TLL2: variants seen among roughly 807,000 people sequenced by gnomAD.
TLL2 encodes the protein tolloid-like protein 2.
TLL2 carries 106 observed loss-of-function variants against 123.0 expected under a neutral mutation model. The ratio of observed to expected loss-of-function variants is 0.86; its 90% CI spans 0.74 to 1.01. The LOEUF is 1.01. TLL2 is among the 50% of genes least tolerant of loss of function. The pLI is 0.00. For missense variants in TLL2, 1,332 were observed against 1,336.7 expected (o/e 1.00, Z 0.06); for synonymous variants, 494 against 516.8 (o/e 0.96, Z 0.60).
chr10:96,459,691 AAAAAAAAAAAAAAAATATATAT>A lies in TLL2; in HGVS notation c.287-13545_287-13524del, dbSNP rs1264654988. ...TTTCAAAAAAAAAAAAAAAAAAAAA[AAAAAAAAAAAAAAAATATATAT>A]ATATATATATATATATATAGCAGCT... On this transcript the variant is annotated intron_variant, in intron 2 of 20. Transcript: ENST00000357947. Among the ~76,000 whole-genome samples the A allele has an allele frequency of 8.5e-4, 48 of 56,656 alleles. 2 individuals are homozygous for A. In the South Asian group the frequency reaches 0.02, roughly 23 times the overall value. The allele number at this position is 56,656 out of a possible 152,430, so 37.2% of individuals were successfully genotyped here.
At chr10:96,390,057 C>A (rs1846271588) in intron 13 of TLL2, among the ~76,000 whole-genome samples, 1 of 152,246 alleles carries the variant, frequency 6.6e-6, no homozygotes, top group South Asian at 2.1e-4. Flanking sequence ...GGCCAAGCCT[C>A]CCAGAAAAAT....
intron 7 of TLL2, among the ~76,000 whole-genome samples, chr10:96,415,716 GCTCT>G (rs1172742136): frequency 1.9e-4 from 1 of 5,170 alleles, no homozygotes; most frequent in South Asian, 5.9e-3. Flanking sequence ...AGCTGTGCAT[GCTCT>G]CTCTCTCTGT....
At chr10:96,375,605 G>A (rs901985290) in intron 18 of TLL2, among the ~76,000 whole-genome samples, 2 of 152,192 alleles carry the variant, frequency 1.3e-5, no homozygotes, top group Non-Finnish European at 2.9e-5. Context: ...TCTTAGCAGA[G>A]CAGCAGTTTC....
chr10:96,405,274 C>G lies in TLL2; in HGVS notation c.1225G>C (p.Val409Leu). The change falls in exon 10 of 21, where the codon GTG (valine) becomes CTG (leucine). Residue 409 changes from valine (V) to leucine (L), a missense_variant. Transcript: ENST00000357947. ...CTCCAGTAACCATCCCGGACCTCCA[C>G]GTAATCATACCAGCACAGTCGGCTT... ...FKSRLCWYDY[V>L]EVRDGYWRKA... 6.2e-7 allele frequency: 1 copy of G among 1,614,164 alleles called. No individual in the cohort carries two copies. The highest frequency in any genetic ancestry group is 1.1e-5 in the South Asian group (1 of 91,078).
chr10:96,440,595 T>C (rs1846842158), intron 3 of TLL2, among the ~76,000 whole-genome samples: 1 of 152,238 alleles, frequency 6.6e-6, no homozygotes, highest in Non-Finnish European at 1.5e-5. Flanking sequence ...TACTTCTCTA[T>C]TCAAAGAAAT....
chr10:96,396,737 A>G (rs1391214589), intron 11 of TLL2, among the ~76,000 whole-genome samples: 1 of 152,140 alleles, frequency 6.6e-6, no homozygotes, highest in Non-Finnish European at 1.5e-5. Context: ...GGGTAGCCTC[A>G]GAGGCCCTTC....
intron 20 of TLL2, among the ~76,000 whole-genome samples, chr10:96,369,760 GAA>G (rs112144254): frequency 1.9e-5 from 2 of 105,810 alleles, no homozygotes; most frequent in Admixed American, 9.4e-5. Flanking sequence ...GGAAAAAAAA[GAA>G]AAAAAAAAAA....
intron 2 of TLL2, among the ~76,000 whole-genome samples, chr10:96,467,651 G>C (rs1564913058): frequency 6.6e-6 from 1 of 152,134 alleles, no homozygotes; most frequent in Non-Finnish European, 1.5e-5. Context: ...GGCTACATAA[G>C]TAAAAAGCCT....
intron 10 of TLL2, 147 bp from the exon 11 acceptor site, chr10:96,397,449 G>A: frequency 1.8e-6 from 1 of 545,958 alleles, no homozygotes; most frequent in South Asian, 2.5e-5. Flanking sequence ...AGCACACACA[G>A]GATCAAAAGA....
chr10:96,474,463 G>T (rs1326646207), intron 2 of TLL2, among the ~76,000 whole-genome samples: 1 of 152,206 alleles, frequency 6.6e-6, no homozygotes, highest in Non-Finnish European at 1.5e-5. Context: ...CTTTCTGGGG[G>T]TCTTCATTTC....
rs78441094 is a variant in TLL2 at position 96,372,876 on chromosome 10, G to C, written c.2662+720C>G. Among the ~76,000 whole-genome samples the C allele has an allele frequency of 9.3e-3, 1,413 of 152,160 alleles. 59 individuals are homozygous for C. The East Asian group carries it at 0.098, about 11-fold the overall frequency. On this transcript the variant is annotated intron_variant, in intron 19 of 20. Coordinates refer to ENST00000357947, the MANE Select transcript of TLL2 (RefSeq NM_012465.4). ...CTAGTTTTTATTTTGTAGAGATCGG[G>C]GGGTGGTCTCACCATCTTGCCCTGG...
At chr10:96,393,739 C>CT (rs58383386) in intron 13 of TLL2, among the ~76,000 whole-genome samples, 22,379 of 68,968 alleles carry the variant, frequency 0.32, 1,755 homozygotes, top group East Asian at 0.41. Context: ...TCTTTTTTTT[C>CT]TTTTTTTTTT....
chr10:96,510,815 G>T (rs1326033599), intron 1 of TLL2, among the ~76,000 whole-genome samples: 1 of 152,254 alleles, frequency 6.6e-6, no homozygotes, highest in Non-Finnish European at 1.5e-5. Flanking sequence ...TGGATAGGAA[G>T]CAGCCAGGGG....
At chr10:96,368,289 G>A in intron 20 of TLL2, 67 bp from the exon 21 acceptor site, 1 of 1,577,054 alleles carries the variant, frequency 6.3e-7, no homozygotes, top group Non-Finnish European at 8.6e-7. Flanking sequence ...TGAGGAGGAT[G>A]GGACAGGATC....
At chr10:96,375,862 C>T (rs1170955391) in intron 18 of TLL2, among the ~76,000 whole-genome samples, 1 of 152,182 alleles carries the variant, frequency 6.6e-6, no homozygotes, top group Non-Finnish European at 1.5e-5. Flanking sequence ...CTTACCTCTA[C>T]AGTCAGAAAA....
intron 7 of TLL2, 75 bp downstream of exon 7, chr10:96,420,880 CA>C (rs1336323678): frequency 7.5e-7 from 1 of 1,329,704 alleles, no homozygotes; most frequent in East Asian, 2.3e-5. Flanking sequence ...CCACTCTCCG[CA>C]GACCTCCAGG....
At chr10:96,430,076 A>C (rs1279667310) in intron 4 of TLL2, among the ~76,000 whole-genome samples, 2 of 152,180 alleles carry the variant, frequency 1.3e-5, no homozygotes, top group African/African-American at 4.8e-5. Context: ...TTACAAGCAA[A>C]ACAAAACAGC....
At chr10:96,436,272 T>C (rs9988781) in intron 3 of TLL2, among the ~76,000 whole-genome samples, 89,254 of 152,188 alleles carry the variant, frequency 0.59, 27,139 homozygotes, top group East Asian at 0.74. Flanking sequence ...ATATCATTGA[T>C]GGCTAGCCCT....
At chr10:96,486,097 C>A (rs1847353464) in intron 1 of TLL2, among the ~76,000 whole-genome samples, 1 of 152,170 alleles carries the variant, frequency 6.6e-6, no homozygotes. Flanking sequence ...TGAAAAGCTA[C>A]ATATCCCTTT....
Sources: gnomAD v4.1 joint callset for allele counts (sites outside exome capture counted in the v4.1 genomes callset) on GRCh38, gnomAD v4.1.1 for gene constraint, MANE v1.5 for transcripts, NCBI Gene and HGNC (gene_info 2026-07-23, HGNC 2026-07-21) for gene names.